Variants in CAPZB observed in about 807,000 individuals in gnomAD.
CAPZB encodes F-actin-capping protein subunit beta.
In CAPZB, 2 loss-of-function variants were observed where a neutral mutation model predicts 38.1. The observed-to-expected ratio is 0.05, with a 90% CI of 0.02 to 0.17. The LOEUF (loss-of-function observed/expected upper bound fraction) is 0.17. Ranked by LOEUF, CAPZB falls within the 10% of genes least tolerant of loss-of-function variation. The pLI is 1.00. For missense variants in CAPZB, 161 were observed against 334.2 expected (o/e 0.48, Z 4.04); for synonymous variants, 107 against 127.4 (o/e 0.84, Z 1.08).
intron 1 of CAPZB, among the ~76,000 whole-genome samples, chr1:19,455,222 T>C (rs921024570): frequency 5.3e-5 from 8 of 152,170 alleles, no homozygotes; most frequent in African/African-American, 1.9e-4. Flanking sequence ...CTAAAAAATA[T>C]GAAAGGCCTG....
chr1:19,436,477 A>T (rs949885899), intron 1 of CAPZB, among the ~76,000 whole-genome samples: 1 of 152,190 alleles, frequency 6.6e-6, no homozygotes, highest in Non-Finnish European at 1.5e-5. Context: ...CAATTTCTCA[A>T]TTTAATAAAG....
chr1:19,370,466 T>G (rs913240008), intron 4 of CAPZB, among the ~76,000 whole-genome samples: 5 of 152,152 alleles, frequency 3.3e-5, no homozygotes, highest in Non-Finnish European at 5.9e-5. Flanking sequence ...ACACAGGACG[T>G]GATACACTCC....
intron 1 of CAPZB, among the ~76,000 whole-genome samples, chr1:19,457,778 C>T (rs1258090774): frequency 6.6e-6 from 1 of 152,088 alleles, no homozygotes; most frequent in East Asian, 1.9e-4. Context: ...TACTGTGGCA[C>T]GGTAACGTTA....
At chr1:19,394,485 C>A (rs1346091619) in intron 2 of CAPZB, among the ~76,000 whole-genome samples, 1 of 152,196 alleles carries the variant, frequency 6.6e-6, no homozygotes, top group Non-Finnish European at 1.5e-5. Flanking sequence ...CTCTGGGAGG[C>A]TGAGGTGGGC....
chr1:19,421,408 A>T (rs987535137), intron 1 of CAPZB, among the ~76,000 whole-genome samples: 1 of 152,246 alleles, frequency 6.6e-6, no homozygotes, highest in Non-Finnish European at 1.5e-5. Context: ...GAAAGAAAAG[A>T]AAAAGCCTGT....
intron 2 of CAPZB, among the ~76,000 whole-genome samples, chr1:19,392,424 G>A (rs1424426176): frequency 6.6e-6 from 1 of 151,858 alleles, no homozygotes; most frequent in East Asian, 1.9e-4. Context: ...GAACAGAGAG[G>A]AGCAAAGCGC....
rs564935961 is a variant in CAPZB, at chr1:19,347,874, G to A, written c.589-2622C>T. On this transcript the variant is annotated intron_variant, in intron 6 of 8. Transcript: ENST00000264202. ...GAATCATACAGCACTGTTAGATTCC[G>A]ACGCCTTTGCTCCTCCTACTTCACC... Among the ~76,000 whole-genome samples, 12 of 152,274 alleles carry A rather than the reference G, an allele frequency of 7.9e-5. No individual in the cohort carries two copies. The South Asian group carries it at 1.9e-3, about 24-fold the overall frequency.
At position 19,418,136 on chromosome 1, in the gene CAPZB, C is replaced by CAAAAAAAAAAAA. The variant is rs59390448; in HGVS notation, c.93+1513_93+1524dup. Reference sequence around the variant, plus strand: ...GGGTGACAGAATGAGACTCTGTCACCAAAAAAAAAAAAAAAAAAAAAAAAA... The same window carrying CAAAAAAAAAAAA: ...GGGTGACAGAATGAGACTCTGTCACCAAAAAAAAAAAAAAAAAAAAAAAAAAAAAAAAAAAAA... On this transcript the variant is annotated intron_variant, in intron 2 of 8. Transcript: ENST00000264202. Among the ~76,000 whole-genome samples, 2 of 35,298 alleles carry CAAAAAAAAAAAA rather than the reference C, an allele frequency of 5.7e-5. 1 individual carries two copies. The highest frequency in any genetic ancestry group is 2.1e-4 in the African/African-American group (2 of 9,666). 23.2% of individuals were successfully genotyped at this position (35,298 alleles called of 152,430 possible).
chr1:19,475,727 T>G (rs1252267720), intron 1 of CAPZB, among the ~76,000 whole-genome samples: 2 of 151,914 alleles, frequency 1.3e-5, no homozygotes, highest in Non-Finnish European at 2.9e-5. Context: ...CTGTATTAGG[T>G]TGAACCACAT....
intron 4 of CAPZB, among the ~76,000 whole-genome samples, chr1:19,360,741 C>T (rs936989822): frequency 2.0e-5 from 3 of 152,224 alleles, no homozygotes; most frequent in Non-Finnish European, 4.4e-5. Flanking sequence ...CAATGTCCCA[C>T]CCTGTGGCCT....
At chr1:19,369,499 A>C (rs576581911) in intron 4 of CAPZB, among the ~76,000 whole-genome samples, 1 of 152,360 alleles carries the variant, frequency 6.6e-6, no homozygotes, top group South Asian at 2.1e-4. Context: ...CCGGTGTCCC[A>C]CAGCAGGCAG....
intron 2 of CAPZB, among the ~76,000 whole-genome samples, chr1:19,393,974 T>A (rs2094252434): frequency 6.6e-6 from 1 of 152,192 alleles, no homozygotes; most frequent in South Asian, 2.1e-4. Flanking sequence ...CTTTAAGAAG[T>A]CACTTGGCGC....
At chr1:19,469,741 T>TACACAC (rs60330360) in intron 1 of CAPZB, among the ~76,000 whole-genome samples, 7,860 of 136,596 alleles carry the variant, frequency 0.058, 285 homozygotes, top group African/African-American at 0.08. Flanking sequence ...AGGAAAAGAA[T>TACACAC]ACACACACAC....
rs371398074 is a variant in CAPZB, at chr1:19,379,100, C to CTTTT, written c.216-451_216-448dup. On this transcript the variant is annotated intron_variant, in intron 3 of 8. Coordinates refer to ENST00000264202, the MANE Select transcript of CAPZB (RefSeq NM_004930.5). ...GTTCACCACCTATTTTTTTTTCTTT[C>CTTTT]TTTTTTTTTTTTTTTTAAGACAGAG... is the stretch of plus-strand genomic sequence containing the variant. Among the ~76,000 whole-genome samples the CTTTT allele has an allele frequency of 1.6e-3, 226 of 138,256 alleles. 3 individuals are homozygous for CTTTT. In the South Asian group the frequency reaches 0.018, roughly 11 times the overall value. The allele number at this position is 138,256 out of a possible 152,430, so 90.7% of individuals were successfully genotyped here.
At chr1:19,460,119 A>T (rs997443824) in intron 1 of CAPZB, among the ~76,000 whole-genome samples, 2 of 152,190 alleles carry the variant, frequency 1.3e-5, no homozygotes, top group African/African-American at 4.8e-5. Flanking sequence ...GTAAGAACAA[A>T]CCTTCTATCT....
chr1:19,454,994 C>T (rs982255165), intron 1 of CAPZB, among the ~76,000 whole-genome samples: 3 of 152,242 alleles, frequency 2.0e-5, no homozygotes, highest in African/African-American at 7.2e-5. Flanking sequence ...GCTGAATTCA[C>T]AGGACACCGG....
Position 19,356,736 on chromosome 1 carries a change from G to T in CAPZB, c.487C>A (p.Arg163Ser). The T allele has an allele frequency of 6.2e-7, 1 of 1,613,020 alleles. No individual in the cohort carries two copies. The highest frequency in any genetic ancestry group is 1.1e-5 in the South Asian group (1 of 91,032). ...GAGGTCAACTTGTAATGGGCGGTGCGACCGCTGGATTTCTCCTGGAAGGAC... is the reference window on the plus strand; with the variant it reads ...GAGGTCAACTTGTAATGGGCGGTGCTACCGCTGGATTTCTCCTGGAAGGAC... ...VVEVQEKSSG[R>S]TAHYKLTSTV... The change falls in exon 6 of 9, where the codon CGC (arginine) becomes AGC (serine). Residue 163 changes from arginine (R) to serine (S), a missense_variant. Physicochemically the swap from Arg to Ser is moderately radical, Grantham distance 110. Coordinates refer to ENST00000264202, the MANE Select transcript of CAPZB (RefSeq NM_004930.5). This position sits in a 1 kb window ranked among gnomAD's most constrained non-coding sequence, Gnocchi z 4.3.
intron 4 of CAPZB, among the ~76,000 whole-genome samples, chr1:19,376,218 G>A (rs1167378394): frequency 6.6e-6 from 1 of 152,186 alleles, no homozygotes; most frequent in Non-Finnish European, 1.5e-5. Flanking sequence ...AACAGAAGGG[G>A]TGAGGCCAGG....
At chr1:19,382,386 C>T (rs2094180295) in intron 3 of CAPZB, among the ~76,000 whole-genome samples, 1 of 152,112 alleles carries the variant, frequency 6.6e-6, no homozygotes, top group Admixed American at 6.6e-5. Flanking sequence ...TTTCAAAAGT[C>T]AGGACTTTCA....
Sources: gnomAD v4.1 joint callset for allele counts (sites outside exome capture counted in the v4.1 genomes callset) on GRCh38, gnomAD v4.1.1 for gene constraint, Gnocchi (gnomAD v3.1) non-coding constraint, MANE v1.5 for transcripts, NCBI Gene and HGNC (gene_info 2026-07-23, HGNC 2026-07-21) for gene names.